MARCHF7: variants seen among roughly 807,000 people sequenced by gnomAD.
MARCHF7 encodes E3 ubiquitin-protein ligase MARCHF7.
A neutral mutation model predicts 76.5 loss-of-function variants in MARCHF7; 20 were observed. That is an observed-to-expected ratio of 0.26 (90% confidence interval 0.18 to 0.38). The LOEUF is 0.38. Ranked by LOEUF, MARCHF7 falls within the 10% of genes least tolerant of loss-of-function variation. The pLI, the probability that MARCHF7 is intolerant of heterozygous loss-of-function variation, is 1.00. For missense variants in MARCHF7, 797 were observed against 812.9 expected, an observed-to-expected ratio of 0.98 and a Z score of 0.24; for synonymous variants, 295 against 293.0, an observed-to-expected ratio of 1.01 and a Z score of -0.07.
At chr2:159,716,186 A>G (rs1701013628) in intron 3 of MARCHF7, among the ~76,000 whole-genome samples, 1 of 151,600 alleles carries the variant, frequency 6.6e-6, no homozygotes, top group Admixed American at 6.6e-5. Flanking sequence ...TGATTCCCTC[A>G]TTGACCCACC....
intron 7 of MARCHF7, 50 bp from the exon 8 acceptor site, chr2:159,752,352 C>T: frequency 6.8e-7 from 1 of 1,460,426 alleles, no homozygotes; most frequent in East Asian, 2.5e-5. Flanking sequence ...ACTGAAGTAA[C>T]CAACCAGGAT....
intron 4 of MARCHF7, among the ~76,000 whole-genome samples, chr2:159,741,203 T>A (rs558462090): frequency 3.3e-5 from 5 of 152,224 alleles, no homozygotes; most frequent in African/African-American, 1.2e-4. Flanking sequence ...TGAGACCCTG[T>A]CTCTACAAAA....
intron 4 of MARCHF7, among the ~76,000 whole-genome samples, chr2:159,729,787 T>C (rs1014393290): frequency 6.6e-6 from 1 of 152,178 alleles, no homozygotes. Context: ...GAACAAAAAC[T>C]GTACCTCCTT....
chr2:159,768,727 T>C lies in MARCHF7; in HGVS notation c.*1385T>C, dbSNP rs1341481467. The C allele has an allele frequency of 6.6e-6, 1 of 152,492 alleles. No homozygotes were observed. Among genetic ancestry groups the C allele is most frequent in the African/African-American group, 2.4e-5 (1 of 41,448 alleles). The allele number at this position is 152,492 out of a possible 1,614,324, so 9.4% of individuals were successfully genotyped here. Reference sequence around the variant, plus strand: ...CACCTCTTGCCAGTTACCTTTGCATTGTCTGTCTTAAAGCAAAAATATAAA... The same window carrying C: ...CACCTCTTGCCAGTTACCTTTGCATCGTCTGTCTTAAAGCAAAAATATAAA... On this transcript the variant is annotated 3_prime_UTR_variant, in exon 12 of 12. Coordinates refer to ENST00000409175, the MANE Select transcript of MARCHF7 (RefSeq NM_001282805.2).
At chr2:159,737,958 C>G (rs1345359513) in intron 4 of MARCHF7, among the ~76,000 whole-genome samples, 1 of 152,192 alleles carries the variant, frequency 6.6e-6, no homozygotes, top group South Asian at 2.1e-4. Flanking sequence ...AGGTTTTGCT[C>G]GGGCCTGCTG....
At chr2:159,744,113 A>G (rs71423028) in intron 5 of MARCHF7, among the ~76,000 whole-genome samples, 21 of 146,272 alleles carry the variant, frequency 1.4e-4, no homozygotes, top group African/African-American at 5.3e-4. Flanking sequence ...TCAGCCTCCC[A>G]AGTAGCTGGG....
Position 159,748,356 on chromosome 2 carries a change from G to C in MARCHF7, c.1066G>C (p.Gly356Arg). The change falls in exon 7 of 12, where the codon GGT becomes CGT. Residue 356 changes from glycine (G) to arginine (R), a missense_variant. Physicochemically the swap from Gly to Arg is moderately radical, Grantham distance 125. Around this residue, in one of 3 missense-constraint regions of MARCHF7, gnomAD observed 643 missense variants for 631.5 expected, o/e 1.02. Coordinates refer to ENST00000409175, the MANE Select transcript of MARCHF7 (RefSeq NM_001282805.2). ...QGFRFLRRRW[G>R]LSSLSHNHSS... ...ATTTCGATTTCTTAGGCGAAGATGG[G>C]GTTTGTCATCTCTTAGCCACAATCA... 6.2e-7 allele frequency: 1 copy of C among 1,613,702 alleles called. No individual in the cohort carries two copies. Among genetic ancestry groups the C allele is most frequent in the South Asian group, 1.1e-5 (1 of 91,054 alleles).
At chr2:159,762,802 C>T (rs114026531) in intron 9 of MARCHF7, 78 bp from the exon 10 acceptor site, 1 of 761,874 alleles carries the variant, frequency 1.3e-6, no homozygotes. Context: ...TATCAGTGTA[C>T]TGTGAGTATC....
chr2:159,733,549 T>TTA (rs367898252), intron 4 of MARCHF7: 16,017 of 943,188 alleles, frequency 0.017, 67 homozygotes, highest in Admixed American at 0.031. Context: ...GAGGCAACAT[T>TTA]AAAAAAAAAA....
At chr2:159,736,294 TTC>T (rs1339356371) in intron 4 of MARCHF7, among the ~76,000 whole-genome samples, 2 of 152,248 alleles carry the variant, frequency 1.3e-5, no homozygotes, top group African/African-American at 4.8e-5. Flanking sequence ...TACTTTCTGA[TTC>T]TAGCCATCCC....
At position 159,768,343 on chromosome 2, in the gene MARCHF7, A is replaced by G. The variant is rs1708004934; in HGVS notation, c.*1001A>G. The G allele has an allele frequency of 6.6e-6, 1 of 152,612 alleles. No homozygotes were observed. Among genetic ancestry groups the G allele is most frequent in the South Asian group, 2.1e-4 (1 of 4,836 alleles). 9.5% of individuals were successfully genotyped at this position (152,612 alleles called of 1,614,324 possible). On this transcript the variant is annotated 3_prime_UTR_variant, in exon 12 of 12. Coordinates refer to ENST00000409175, the MANE Select transcript of MARCHF7 (RefSeq NM_001282805.2). ...CATTATTCACCATGAATGGATCTAT[A>G]CTGTGTGGTCATGAGTTGTGTATAC...
chr2:159,761,001 A>G (rs570591186), intron 9 of MARCHF7, among the ~76,000 whole-genome samples: 1 of 150,256 alleles, frequency 6.7e-6, no homozygotes, highest in South Asian at 2.1e-4. Context: ...CAGTGGCTTG[A>G]TCTTTTGCAA....
In MARCHF7 at chr2:159,768,040, T is replaced by TTAG. The variant is rs1560034760; in HGVS notation, c.*699_*701dup. ...AGGCTATAGTATGTAGATATTCCTTTTAGGAATATTACAGCTGTAAATTAT... is the reference window on the plus strand; with the variant it reads ...AGGCTATAGTATGTAGATATTCCTTTTAGTAGGAATATTACAGCTGTAAATTAT... On this transcript the variant is annotated 3_prime_UTR_variant, in exon 12 of 12. Transcript: ENST00000409175. 6.6e-6 allele frequency: 1 copy of TTAG among 152,572 alleles called. No individual in the cohort carries two copies. Among genetic ancestry groups the TTAG allele is most frequent in the African/African-American group, 2.4e-5 (1 of 41,456 alleles). 9.5% of individuals were successfully genotyped at this position (152,572 alleles called of 1,614,324 possible). A position where few individuals can be genotyped will look rare whatever the true frequency, so the allele number is the denominator to read the frequency against.
chr2:159,738,224 A>G (rs1045576354), intron 4 of MARCHF7, among the ~76,000 whole-genome samples: 7 of 152,190 alleles, frequency 4.6e-5, no homozygotes, highest in African/African-American at 1.2e-4. Flanking sequence ...TGAGGAACGC[A>G]GTGGCACCCA....
intron 4 of MARCHF7, among the ~76,000 whole-genome samples, chr2:159,731,155 A>G (rs1702743385): frequency 6.6e-6 from 1 of 152,182 alleles, no homozygotes; most frequent in South Asian, 2.1e-4. Flanking sequence ...TCCCTCCCAG[A>G]GTGCTGGGAT....
chr2:159,770,963 C>T lies in MARCHF7; in HGVS notation c.*3621C>T, dbSNP rs1574480735. 6.6e-6 allele frequency: 1 copy of T among 152,114 alleles called. No homozygotes were observed. 9.4% of individuals were successfully genotyped at this position (152,114 alleles called of 1,614,324 possible). A position where few individuals can be genotyped will look rare whatever the true frequency, so the allele number is the denominator to read the frequency against. On this transcript the variant is annotated 3_prime_UTR_variant, in exon 12 of 12. Transcript: ENST00000409175. Reference sequence around the variant, plus strand: ...TTCAGCTTTTTCATTTTTTTACTCCCCAAATGATTTTCACCTTTTTCTTAA... The same window carrying T: ...TTCAGCTTTTTCATTTTTTTACTCCTCAAATGATTTTCACCTTTTTCTTAA...
At position 159,737,795 on chromosome 2, in the gene MARCHF7, A is replaced by T. The variant is rs143907816; in HGVS notation, c.154-5266A>T. ...AGAGCTGAGACCCTGTCTCAAAATTAAAAAAAAAGATGGACAATCACAGTG... is the reference window on the plus strand; with the variant it reads ...AGAGCTGAGACCCTGTCTCAAAATTTAAAAAAAAGATGGACAATCACAGTG... On this transcript the variant is annotated intron_variant, in intron 4 of 11. Coordinates refer to ENST00000409175, the MANE Select transcript of MARCHF7 (RefSeq NM_001282805.2). 1.5e-4 allele frequency among the ~76,000 whole-genome samples: 22 copies of T among 151,676 alleles called. No individual in the cohort carries two copies. In the East Asian group the frequency reaches 2.9e-3, roughly 20 times the overall value.
chr2:159,766,568 A>G (rs1311570840), intron 11 of MARCHF7, among the ~76,000 whole-genome samples: 2 of 152,158 alleles, frequency 1.3e-5, no homozygotes, highest in Admixed American at 6.5e-5. Flanking sequence ...TACACTTACT[A>G]TGTCTTTCCT....
intron 4 of MARCHF7, among the ~76,000 whole-genome samples, chr2:159,731,709 G>A (rs1041267557): frequency 2.0e-5 from 3 of 149,586 alleles, no homozygotes; most frequent in African/African-American, 7.4e-5. Context: ...AGCCAAGATC[G>A]CGCCATTGCA....
Sources: gnomAD v4.1 joint callset for allele counts (sites outside exome capture counted in the v4.1 genomes callset) on GRCh38, gnomAD v4.1.1 for gene constraint, gnomAD v4.1.1 regional missense constraint, MANE v1.5 for transcripts, NCBI Gene and HGNC (gene_info 2026-07-23, HGNC 2026-07-21) for gene names.